The following RPSA2 variants were observed in gnomAD, a reference collection of about 807,000 sequenced individuals.
RPSA2 encodes small ribosomal subunit protein uS2B.
the RPSA2 span, among the ~76,000 whole-genome samples, chr19:23,849,075 C>CAAT: frequency 6.6e-6 from 1 of 152,158 alleles, no homozygotes. Context: ...TTCACTTTTC[C>CAAT]TGGAGTCAAA....
chr19:23,760,669 AT>A, the RPSA2 span, among the ~76,000 whole-genome samples: 9,099 of 82,852 alleles, frequency 0.11, 349 homozygotes, highest in South Asian at 0.24. Flanking sequence ...ATATATATAT[AT>A]TTTTTTTTTT....
chr19:23,838,176 T>C, the RPSA2 span, among the ~76,000 whole-genome samples: 2 of 152,146 alleles, frequency 1.3e-5, no homozygotes, highest in African/African-American at 2.4e-5. Context: ...TTGTTGAATG[T>C]TTTTTCTGCA....
chr19:23,823,356 T>G, the RPSA2 span, among the ~76,000 whole-genome samples: 1 of 152,136 alleles, frequency 6.6e-6, no homozygotes, highest in Non-Finnish European at 1.5e-5. Context: ...CTTTGGAGTT[T>G]GTTAATCCCC....
the RPSA2 span, among the ~76,000 whole-genome samples, chr19:23,836,358 C>T: frequency 6.6e-6 from 1 of 151,170 alleles, no homozygotes; most frequent in East Asian, 1.9e-4. Context: ...AGTATTCCAA[C>T]ACACACACAC....
chr19:23,848,913 C>T, the RPSA2 span, among the ~76,000 whole-genome samples: 85 of 152,290 alleles, frequency 5.6e-4, 2 homozygotes, highest in South Asian at 0.017. Flanking sequence ...TAATTACACC[C>T]ATGATCACAG....
the RPSA2 span, among the ~76,000 whole-genome samples, chr19:23,778,550 G>C: frequency 6.6e-6 from 1 of 152,062 alleles, no homozygotes; most frequent in East Asian, 1.9e-4. Context: ...CAATAGTAGA[G>C]ATCGTGACCT....
At chr19:23,770,582 A>G in the RPSA2 span, among the ~76,000 whole-genome samples, 4 of 152,196 alleles carry the variant, frequency 2.6e-5, no homozygotes, top group African/African-American at 4.8e-5. Flanking sequence ...TGCATTCATT[A>G]TCTAGGAGAT....
chr19:23,835,910 A>G, the RPSA2 span, among the ~76,000 whole-genome samples: 1 of 152,216 alleles, frequency 6.6e-6, no homozygotes, highest in African/African-American at 2.4e-5. Flanking sequence ...CTGGGATTAC[A>G]GGTGTGAGCC....
the RPSA2 span, among the ~76,000 whole-genome samples, chr19:23,801,922 C>T: frequency 1.3e-5 from 2 of 152,158 alleles, no homozygotes; most frequent in African/African-American, 4.8e-5. Flanking sequence ...TTTTCTAGAG[C>T]AGTCTCTGTG....
At chr19:23,821,630 G>T in the RPSA2 span, among the ~76,000 whole-genome samples, 2 of 152,224 alleles carry the variant, frequency 1.3e-5, no homozygotes, top group African/African-American at 4.8e-5. Context: ...CCCTCAGGGT[G>T]TGGCAGCCCT....
the RPSA2 span, among the ~76,000 whole-genome samples, chr19:23,806,047 C>CTT: frequency 0.024 from 2,993 of 126,340 alleles, 223 homozygotes; most frequent in African/African-American, 0.081. Flanking sequence ...TTCTTTCTTT[C>CTT]TTTTTTTTTT....
At chr19:23,811,799 T>A in the RPSA2 span, among the ~76,000 whole-genome samples, 2 of 150,280 alleles carry the variant, frequency 1.3e-5, no homozygotes, top group Non-Finnish European at 3.0e-5. Context: ...AATATATGTA[T>A]AATTTAGCAA....
At chr19:23,793,364 CTTT>C in the RPSA2 span, among the ~76,000 whole-genome samples, 301 of 148,312 alleles carry the variant, frequency 2.0e-3, 1 homozygote, top group Non-Finnish European at 2.7e-3. Context: ...GGGGTTATAT[CTTT>C]TTTTTTTTTT....
At chr19:23,810,995 T>G in the RPSA2 span, among the ~76,000 whole-genome samples, 1 of 151,218 alleles carries the variant, frequency 6.6e-6, no homozygotes, top group Non-Finnish European at 1.5e-5. Flanking sequence ...CTCAGAACTC[T>G]CTTAAAGGCA....
At chr19:23,783,329 A>G in the RPSA2 span, among the ~76,000 whole-genome samples, 2 of 151,986 alleles carry the variant, frequency 1.3e-5, no homozygotes, top group African/African-American at 4.8e-5. Flanking sequence ...TCCTGACCTC[A>G]GGTGATTTGA....
chr19:23,857,026 C>T, the RPSA2 span, among the ~76,000 whole-genome samples: 1 of 152,164 alleles, frequency 6.6e-6, no homozygotes, highest in Non-Finnish European at 1.5e-5. Flanking sequence ...CCTGAGGGTA[C>T]TGCAGGAGAC....
the RPSA2 span, among the ~76,000 whole-genome samples, chr19:23,824,656 C>T: frequency 9.5e-5 from 11 of 115,564 alleles, no homozygotes; most frequent in East Asian, 3.0e-3. Flanking sequence ...CAGCCTTGAC[C>T]TCCTAAAACT....
At chr19:23,790,444 C>T in the RPSA2 span, among the ~76,000 whole-genome samples, 1 of 152,112 alleles carries the variant, frequency 6.6e-6, no homozygotes, top group South Asian at 2.1e-4. Context: ...GGAAGTCCTC[C>T]CTGAAAAGGC....
chr19:23,824,585 T>C, the RPSA2 span, among the ~76,000 whole-genome samples: 208 of 123,104 alleles, frequency 1.7e-3, 42 homozygotes, highest in Non-Finnish European at 1.7e-3. Context: ...CATTTCTTTT[T>C]TTTTTTTTTT....
Sources: allele counts gnomAD v4.1 joint callset (sites outside exome capture counted in the v4.1 genomes callset), GRCh38; gene constraint gnomAD v4.1.1; transcripts MANE v1.5; gene names NCBI Gene and HGNC (gene_info 2026-07-23, HGNC 2026-07-21).